Variants in NEK6 observed in about 807,000 individuals in gnomAD.
NEK6 encodes NIMA related kinase 6, also known as serine/threonine-protein kinase Nek6.
NEK6 carries 27 observed loss-of-function variants against 43.5 expected under a neutral mutation model. The ratio of observed to expected loss-of-function variants is 0.62; its 90% CI spans 0.46 to 0.86. NEK6 has a LOEUF of 0.86. Among genes scored for constraint, NEK6 ranks in the 40% least tolerant of loss-of-function variants. The pLI is 0.00. For missense variants in NEK6, 318 were observed against 414.4 expected, an observed-to-expected ratio of 0.77 and a Z score of 2.02; for synonymous variants, 167 against 164.1, an observed-to-expected ratio of 1.02 and a Z score of -0.14.
At chr9:124,262,181 T>A (rs1186254085) in intron 1 of NEK6, among the ~76,000 whole-genome samples, 1 of 152,176 alleles carries the variant, frequency 6.6e-6, no homozygotes, top group Non-Finnish European at 1.5e-5. Context: ...CTTATGACTC[T>A]TGGGTAATGG....
intron 2 of NEK6, among the ~76,000 whole-genome samples, chr9:124,306,208 GT>G (rs1479387884): frequency 6.6e-6 from 1 of 152,068 alleles, no homozygotes; most frequent in Admixed American, 6.6e-5. Context: ...AGGGAGAGGG[GT>G]TGTCAGGAGT....
chr9:124,287,440 A>G (rs1312081334), intron 1 of NEK6, among the ~76,000 whole-genome samples: 1 of 152,360 alleles, frequency 6.6e-6, no homozygotes, highest in East Asian at 1.9e-4. Context: ...CCTCATCTCA[A>G]AAATGAACAT....
intron 5 of NEK6, among the ~76,000 whole-genome samples, chr9:124,322,953 A>G (rs574762560): frequency 6.6e-6 from 1 of 152,360 alleles, no homozygotes; most frequent in African/African-American, 2.4e-5. Context: ...ATCTGCACAC[A>G]GATCCCTGGT....
intron 9 of NEK6, 25 bp downstream of exon 9, chr9:124,347,847 T>G: frequency 1.3e-6 from 2 of 1,506,028 alleles, no homozygotes; most frequent in Non-Finnish European, 1.8e-6. Flanking sequence ...GCCGGAGGCC[T>G]CGCCAGCCCC....
At chr9:124,316,432 T>C (rs1197638425) in intron 4 of NEK6, among the ~76,000 whole-genome samples, 1 of 152,238 alleles carries the variant, frequency 6.6e-6, no homozygotes, top group African/African-American at 2.4e-5. Flanking sequence ...GAGCCCCTGA[T>C]GGCAGAGATT....
At chr9:124,295,865 G>C (rs971310214) in intron 1 of NEK6, among the ~76,000 whole-genome samples, 8 of 152,258 alleles carry the variant, frequency 5.3e-5, no homozygotes, top group South Asian at 2.1e-4. Context: ...TCAAATGGCA[G>C]CTCTCTCCAC....
chr9:124,330,760 G>T (rs1006556977), intron 7 of NEK6, among the ~76,000 whole-genome samples: 1 of 152,146 alleles, frequency 6.6e-6, no homozygotes, highest in Non-Finnish European at 1.5e-5. Context: ...ATGCCAGGTG[G>T]CATGGTGAGG....
chr9:124,298,857 GC>G (rs1832824231), intron 1 of NEK6, among the ~76,000 whole-genome samples: 1 of 152,218 alleles, frequency 6.6e-6, no homozygotes, highest in South Asian at 2.1e-4. Context: ...GAGGTGAAGA[GC>G]GTAGGGCAGG....
At chr9:124,302,110 C>A in intron 2 of NEK6, 56 bp downstream of exon 2, 1 of 1,296,316 alleles carries the variant, frequency 7.7e-7, no homozygotes, top group Non-Finnish European at 1.1e-6. Flanking sequence ...GAATACGGAT[C>A]CCTGAGCCTC....
intron 1 of NEK6, among the ~76,000 whole-genome samples, chr9:124,301,050 G>C (rs1454152942): frequency 6.6e-6 from 1 of 152,198 alleles, no homozygotes; most frequent in Non-Finnish European, 1.5e-5. Context: ...AGAAATGCTT[G>C]TGGGGTGAGC....
upstream of NEK6, chr9:124,257,795 A>C (rs1830863701): frequency 3.5e-6 from 5 of 1,427,042 alleles, no homozygotes; most frequent in Non-Finnish European, 4.7e-6. Flanking sequence ...CGGCCGCAGA[A>C]CTCGGCGGAG....
chr9:124,328,454 C>T (rs954946052), intron 7 of NEK6, among the ~76,000 whole-genome samples: 15 of 152,230 alleles, frequency 9.9e-5, no homozygotes, highest in African/African-American at 3.1e-4. Context: ...TGCCCCCAGG[C>T]CCACCCCCTG....
intron 5 of NEK6, among the ~76,000 whole-genome samples, chr9:124,322,564 T>A (rs971967604): frequency 2.6e-5 from 4 of 152,236 alleles, no homozygotes; most frequent in Non-Finnish European, 5.9e-5. Flanking sequence ...CAGGCCTGCC[T>A]GACCCCCAGG....
At chr9:124,310,047 G>C (rs1000377276) in intron 2 of NEK6, among the ~76,000 whole-genome samples, 2 of 152,204 alleles carry the variant, frequency 1.3e-5, no homozygotes, top group Non-Finnish European at 2.9e-5. Context: ...AGGCCTGGCC[G>C]GTCAGGGGGT....
At chr9:124,299,532 G>A (rs966439120) in intron 1 of NEK6, among the ~76,000 whole-genome samples, 18 of 152,108 alleles carry the variant, frequency 1.2e-4, no homozygotes, top group Admixed American at 6.5e-5. Context: ...TGTCACCTGC[G>A]CTCCAGTGCA....
chr9:124,350,996 T>TTTG lies in NEK6; in HGVS notation c.*49_*50insTTG. ...AAAGCCAGCACCACTTTGCCTTACT[T>TTTG]GAGTCGTCTTCTCTTCGAGTGGCCA... On this transcript the variant is annotated 3_prime_UTR_variant, in exon 10 of 10. Coordinates refer to ENST00000320246, the MANE Select transcript of NEK6 (RefSeq NM_014397.6). The TTTG allele has an allele frequency of 7.3e-7, 1 of 1,366,026 alleles. No individual in the cohort carries two copies. The highest frequency in any genetic ancestry group is 1.0e-6 in the Non-Finnish European group (1 of 969,622). 84.6% of individuals were successfully genotyped at this position (1,366,026 alleles called of 1,614,324 possible). A position where few individuals can be genotyped will look rare whatever the true frequency, so the allele number is the denominator to read the frequency against.
intron 1 of NEK6, among the ~76,000 whole-genome samples, chr9:124,267,366 C>T (rs998995124): frequency 3.9e-5 from 6 of 152,014 alleles, no homozygotes; most frequent in South Asian, 2.1e-4. Flanking sequence ...CGGTCGAGTC[C>T]GCCTGGATTC....
intron 2 of NEK6, among the ~76,000 whole-genome samples, chr9:124,311,528 T>A (rs1199272579): frequency 6.6e-6 from 1 of 152,206 alleles, no homozygotes; most frequent in Non-Finnish European, 1.5e-5. Flanking sequence ...CCTGGGGTCC[T>A]CCTGGCCACT....
chr9:124,343,471 T>C lies in NEK6; in HGVS notation c.717+3806T>C, dbSNP rs370914933. The stretch of plus-strand genomic sequence containing the variant: ...GGCCTCACACAGCAGCAGGCTGCTG[T>C]GGCCACCCATAGCCGGCCCATCCAA... On this transcript the variant is annotated intron_variant, in intron 8 of 9. Transcript: ENST00000320246. This position sits in a 1 kb window ranked among gnomAD's most constrained non-coding sequence, Gnocchi z 5.1. Among the ~76,000 whole-genome samples the C allele has an allele frequency of 5.3e-5, 8 of 152,176 alleles. No individual in the cohort carries two copies. The East Asian group carries it at 1.2e-3, about 22-fold the overall frequency.
Sources: gnomAD v4.1 joint callset for allele counts (sites outside exome capture counted in the v4.1 genomes callset) on GRCh38, gnomAD v4.1.1 for gene constraint, Gnocchi (gnomAD v3.1) non-coding constraint, MANE v1.5 for transcripts, NCBI Gene and HGNC (gene_info 2026-07-23, HGNC 2026-07-21) for gene names.